ARHGEF4: variants seen among roughly 807,000 people sequenced by gnomAD.
The protein encoded by ARHGEF4 is APC-stimulated guanine nucleotide exchange factor 1.
In ARHGEF4, 119 loss-of-function variants were observed where a neutral mutation model predicts 162.0. The observed-to-expected ratio is 0.73, with a 90% confidence interval of 0.63 to 0.86. The LOEUF is 0.86. Ranked by LOEUF, ARHGEF4 falls within the 40% of genes least tolerant of loss-of-function variation. The probability of loss-of-function intolerance (pLI) is 0.00; values close to 1 mark genes in which losing one functional copy is unlikely to be tolerated. For synonymous variants in ARHGEF4, 1,014 were observed against 979.9 expected (o/e 1.03, Z -0.65); for missense variants, 2,488 against 2,456.0 (o/e 1.01, Z -0.28).
chr2:131,045,957 C>T (rs1417650226), intron 13 of ARHGEF4, 81 bp from the exon 14 acceptor site: 27 of 1,536,556 alleles, frequency 1.8e-5, no homozygotes, highest in Middle Eastern at 2.4e-4. Context: ...AGCCCTGGGA[C>T]GGACCCCATG....
At chr2:130,874,826 C>G (rs1287296333) in intron 1 of ARHGEF4, among the ~76,000 whole-genome samples, 4 of 152,144 alleles carry the variant, frequency 2.6e-5, no homozygotes, top group Non-Finnish European at 5.9e-5. Context: ...CGGTCCATTT[C>G]TATAATTTTT....
intron 1 of ARHGEF4, among the ~76,000 whole-genome samples, chr2:130,864,986 G>C (rs915732148): frequency 6.6e-6 from 1 of 152,220 alleles, no homozygotes; most frequent in Non-Finnish European, 1.5e-5. Flanking sequence ...CAGCCAACCA[G>C]CCAGTACTTC....
chr2:130,888,501 G>T (rs866678545), intron 1 of ARHGEF4, among the ~76,000 whole-genome samples: 2 of 152,094 alleles, frequency 1.3e-5, no homozygotes, highest in Middle Eastern at 6.8e-3. Flanking sequence ...TAATGCTGAG[G>T]CTTTCTAGTC....
chr2:130,953,557 G>A (rs934622953), intron 4 of ARHGEF4, among the ~76,000 whole-genome samples: 20 of 152,044 alleles, frequency 1.3e-4, no homozygotes, highest in African/African-American at 4.8e-4. Flanking sequence ...TAGACAAATG[G>A]GATCTAATTA....
At chr2:131,045,189 C>G (rs7573254) in intron 12 of ARHGEF4, among the ~76,000 whole-genome samples, 180 bp from the exon 13 acceptor site, 2 of 152,208 alleles carry the variant, frequency 1.3e-5, no homozygotes, top group East Asian at 1.9e-4. Context: ...AGAGCATGCC[C>G]TCTGCCCTGG....
At position 130,915,746 on chromosome 2, in the gene ARHGEF4, G is replaced by T. The variant is rs1351414437; in HGVS notation, c.1800G>T (p.Gly600=). The change falls in exon 2 of 14, where the codon GGG becomes GGT. Residue 600 remains glycine (G), a synonymous_variant. Coordinates refer to ENST00000409359, the MANE Select transcript of ARHGEF4 (RefSeq NM_001367493.1). The part of the protein sequence containing the change: ...KAATVSHCGP[G]AEEGEQGPGG... Reference sequence around the variant, plus strand: ...CCACGGTGTCTCACTGCGGCCCCGGGGCTGAGGAGGGTGAACAGGGGCCTG... The same window carrying T: ...CCACGGTGTCTCACTGCGGCCCCGGTGCTGAGGAGGGTGAACAGGGGCCTG... The T allele has an allele frequency of 6.5e-7, 1 of 1,542,832 alleles. No individual in the cohort carries two copies. The highest frequency in any genetic ancestry group is 2.0e-5 in the Admixed American group (1 of 50,082).
Position 130,973,020 on chromosome 2 carries a change from AC to A in ARHGEF4, c.3985+26386del, listed in dbSNP as rs779196548. 1.8e-4 allele frequency among the ~76,000 whole-genome samples: 28 copies of A among 152,396 alleles called. No homozygotes were observed. In the East Asian group the frequency reaches 2.3e-3, roughly 13 times the overall value. ...AATACTAAGCATACAGTTGGAATATACAAAGATTATACCAAGAATATCTATA... is the reference window on the plus strand; with the variant it reads ...AATACTAAGCATACAGTTGGAATATAAAAGATTATACCAAGAATATCTATA... On this transcript the variant is annotated intron_variant, in intron 4 of 13. Transcript: ENST00000409359.
chr2:130,856,420 A>C (rs1279159218), intron 1 of ARHGEF4, among the ~76,000 whole-genome samples: 3 of 152,252 alleles, frequency 2.0e-5, no homozygotes, highest in Non-Finnish European at 4.4e-5. Context: ...GAATAAAATA[A>C]TTCCCAGATA....
At chr2:130,838,622 AAAG>A (rs1027360212) in intron 1 of ARHGEF4, among the ~76,000 whole-genome samples, 2 of 152,018 alleles carry the variant, frequency 1.3e-5, no homozygotes, top group East Asian at 1.9e-4. Flanking sequence ...AAGAAAAAGA[AAAG>A]AAGGAAGGAA....
intron 4 of ARHGEF4, among the ~76,000 whole-genome samples, chr2:130,957,417 A>C: frequency 6.6e-6 from 1 of 152,226 alleles, no homozygotes; most frequent in Non-Finnish European, 1.5e-5. Flanking sequence ...AATTCTTGAA[A>C]GACAAATTTA....
At chr2:130,892,224 G>A (rs1037227846) in intron 1 of ARHGEF4, among the ~76,000 whole-genome samples, 1 of 152,200 alleles carries the variant, frequency 6.6e-6, no homozygotes, top group Non-Finnish European at 1.5e-5. Context: ...TAGGAAGAGT[G>A]TTTGTGTCTT....
intron 1 of ARHGEF4, among the ~76,000 whole-genome samples, chr2:130,854,950 T>C (rs1268546217): frequency 1.3e-5 from 2 of 151,916 alleles, no homozygotes; most frequent in East Asian, 1.9e-4. Flanking sequence ...CTCGGCTCAC[T>C]GCAAGTTCTG....
chr2:131,023,074 C>CAAAAAAAAA (rs56868632), intron 4 of ARHGEF4, among the ~76,000 whole-genome samples: 2,249 of 65,732 alleles, frequency 0.034, 568 homozygotes, highest in Non-Finnish European at 0.04. Context: ...AACCCTGTCT[C>CAAAAAAAAA]AAAAAAAAAA....
chr2:130,899,404 C>T (rs560852704), intron 1 of ARHGEF4, among the ~76,000 whole-genome samples: 3 of 152,264 alleles, frequency 2.0e-5, no homozygotes, highest in South Asian at 2.1e-4. Context: ...AGGCCTCCCT[C>T]GCTGAAGCCA....
At chr2:131,021,186 A>G in intron 4 of ARHGEF4, among the ~76,000 whole-genome samples, 1 of 152,164 alleles carries the variant, frequency 6.6e-6, no homozygotes, top group East Asian at 1.9e-4. Context: ...ATCCTAAGCC[A>G]AAAGAACAAA....
At chr2:131,024,972 G>A (rs552541869) in intron 4 of ARHGEF4, among the ~76,000 whole-genome samples, 2 of 152,178 alleles carry the variant, frequency 1.3e-5, no homozygotes, top group Non-Finnish European at 2.9e-5. Flanking sequence ...TGTGTACAAG[G>A]TTAGCAGAAG....
intron 1 of ARHGEF4, among the ~76,000 whole-genome samples, chr2:130,889,105 C>CA (rs70994719): frequency 0.22 from 27,945 of 124,556 alleles, 3,225 homozygotes; most frequent in East Asian, 0.37. Context: ...AACTCCATCT[C>CA]AAAAAAAAAA....
At chr2:131,005,754 G>A (rs189233998) in intron 4 of ARHGEF4, among the ~76,000 whole-genome samples, 6 of 152,256 alleles carry the variant, frequency 3.9e-5, no homozygotes, top group South Asian at 2.1e-4. Context: ...GAGATGCGCC[G>A]TGGACCACAG....
At chr2:130,853,587 T>C (rs2104891401) in intron 1 of ARHGEF4, among the ~76,000 whole-genome samples, 1 of 152,358 alleles carries the variant, frequency 6.6e-6, no homozygotes, top group Middle Eastern at 3.4e-3. Context: ...GATGAGCTGC[T>C]GAGCCAGGTG....
Sources: gnomAD v4.1 joint callset for allele counts (sites outside exome capture counted in the v4.1 genomes callset) on GRCh38, gnomAD v4.1.1 for gene constraint, MANE v1.5 for transcripts, NCBI Gene and HGNC (gene_info 2026-07-23, HGNC 2026-07-21) for gene names.